SYT1: variants seen among roughly 807,000 people sequenced by gnomAD.
The protein encoded by SYT1 is synaptotagmin-1.
In SYT1, 8 loss-of-function variants were observed where a neutral mutation model predicts 44.8. That is an observed-to-expected ratio of 0.18 (90% CI 0.10 to 0.32). SYT1 has a LOEUF of 0.32. Ranked by LOEUF, SYT1 falls within the 10% of genes least tolerant of loss-of-function variation. The probability of loss-of-function intolerance (pLI) is 1.00; values close to 1 mark genes in which losing one functional copy is unlikely to be tolerated. For synonymous variants in SYT1, 154 were observed against 188.8 expected, an observed-to-expected ratio of 0.82 and a Z score of 1.51; for missense variants, 286 against 509.3, an observed-to-expected ratio of 0.56 and a Z score of 4.22.
At chr12:78,940,577 A>G (rs1034041625) in intron 1 of SYT1, among the ~76,000 whole-genome samples, 2 of 151,510 alleles carry the variant, frequency 1.3e-5, no homozygotes, top group African/African-American at 4.9e-5. Flanking sequence ...AATTTTTTGT[A>G]GAGATGGGGC....
At chr12:79,441,621 C>A (rs546207837) in intron 9 of SYT1, among the ~76,000 whole-genome samples, 20 of 152,178 alleles carry the variant, frequency 1.3e-4, no homozygotes, top group Admixed American at 9.2e-4. Context: ...AGCCCCCAAC[C>A]CTCTGTTCTC....
chr12:79,044,455 C>T (rs887745706), intron 2 of SYT1, among the ~76,000 whole-genome samples: 67 of 150,074 alleles, frequency 4.5e-4, no homozygotes, highest in African/African-American at 8.1e-4. Context: ...ACGTAGTTCT[C>T]GAGCCTTGGT....
chr12:79,214,798 T>A (rs563521545), intron 3 of SYT1, among the ~76,000 whole-genome samples: 1 of 152,348 alleles, frequency 6.6e-6, no homozygotes, highest in South Asian at 2.1e-4. Flanking sequence ...TCATTTCCTT[T>A]AAATTCTACA....
In SYT1 at chr12:79,127,447, T is replaced by TC. The variant is rs1434382602; in HGVS notation, c.-18+80085_-18+80086insC. Among the ~76,000 whole-genome samples the TC allele has an allele frequency of 1.9e-3, 284 of 152,298 alleles. 2 individuals are homozygous for TC. The highest frequency in any genetic ancestry group is 3.6e-3 in the Non-Finnish European group (245 of 67,988). ...TTAGTCATATTTAAGAGCAAGAGTT[T>TC]TGAAGCCAGTGTAGGTGGTAACAGC... On this transcript the variant is annotated intron_variant, in intron 3 of 10. Coordinates refer to ENST00000261205, the MANE Select transcript of SYT1 (RefSeq NM_005639.3).
At chr12:79,122,872 C>A (rs1056338305) in intron 3 of SYT1, among the ~76,000 whole-genome samples, 2 of 152,268 alleles carry the variant, frequency 1.3e-5, no homozygotes, top group East Asian at 3.9e-4. Flanking sequence ...ACTGTTCATC[C>A]AACTTGCTCT....
chr12:79,008,517 A>G (rs1052376584), intron 2 of SYT1, among the ~76,000 whole-genome samples: 1 of 152,132 alleles, frequency 6.6e-6, no homozygotes, highest in Non-Finnish European at 1.5e-5. Context: ...CTATAGGGAG[A>G]AAAGATAAGA....
chr12:79,036,395 T>A (rs1365118798), intron 2 of SYT1: 2 of 151,868 alleles, frequency 1.3e-5, no homozygotes, highest in Non-Finnish European at 2.9e-5. Flanking sequence ...TAAATATAGA[T>A]GCTAAGAATT....
intron 3 of SYT1, among the ~76,000 whole-genome samples, chr12:79,162,154 A>G (rs1265512432): frequency 6.6e-6 from 1 of 152,126 alleles, no homozygotes; most frequent in Non-Finnish European, 1.5e-5. Context: ...TTTGTGTACA[A>G]TAAGGAATGG....
intron 8 of SYT1, among the ~76,000 whole-genome samples, chr12:79,311,627 A>G (rs1880797786): frequency 7.2e-6 from 1 of 139,720 alleles, no homozygotes; most frequent in Non-Finnish European, 1.5e-5. Context: ...CCAAATGTCC[A>G]ACAATGATAG....
At chr12:79,163,570 T>A (rs141331281) in intron 3 of SYT1, among the ~76,000 whole-genome samples, 1 of 152,174 alleles carries the variant, frequency 6.6e-6, no homozygotes, top group Non-Finnish European at 1.5e-5. Flanking sequence ...AGAACTTGAG[T>A]AGCCTCACAA....
At chr12:79,327,564 A>G (rs1404663094) in intron 8 of SYT1, among the ~76,000 whole-genome samples, 2 of 152,222 alleles carry the variant, frequency 1.3e-5, no homozygotes, top group East Asian at 3.9e-4. Flanking sequence ...ATCTCAAATC[A>G]AAAGGCACCA....
At chr12:79,287,239 C>T (rs1036794618) in intron 5 of SYT1, among the ~76,000 whole-genome samples, 1 of 152,144 alleles carries the variant, frequency 6.6e-6, no homozygotes, top group African/African-American at 2.4e-5. Flanking sequence ...TACTCATACT[C>T]AGAGAGTTTT....
chr12:79,212,548 A>ATTTAAT (rs1428867028), intron 3 of SYT1, among the ~76,000 whole-genome samples: 1 of 152,014 alleles, frequency 6.6e-6, no homozygotes, highest in Non-Finnish European at 1.5e-5. Context: ...TTAGAAGATA[A>ATTTAAT]TTTAATTTTC....
intron 1 of SYT1, among the ~76,000 whole-genome samples, chr12:78,931,300 AAGGAAGGAGAGGGAGGGAGGGAGG>A (rs1877691278): frequency 1.4e-5 from 1 of 72,502 alleles, no homozygotes; most frequent in Non-Finnish European, 2.8e-5. Flanking sequence ...GGAAGGAAGG[AAGGAAGGAGAGGGAGGGAGGGAGG>A]GAGGGAGGGA....
chr12:79,336,574 G>C (rs970308268), intron 8 of SYT1, among the ~76,000 whole-genome samples: 2 of 152,010 alleles, frequency 1.3e-5, no homozygotes, highest in African/African-American at 4.8e-5. Flanking sequence ...TGGCAAGCTA[G>C]AGCCAAAAGT....
chr12:78,929,438 A>AAAAAAAAAAAAAAAAAAAAAAAAAAAT, intron 1 of SYT1, among the ~76,000 whole-genome samples: 1 of 145,386 alleles, frequency 6.9e-6, no homozygotes. Context: ...AAAAAAAAAA[A>AAAAAAAAAAAAAAAAAAAAAAAAAAAT]AAAAAAAAGG....
intron 3 of SYT1, among the ~76,000 whole-genome samples, chr12:79,052,866 G>A (rs1592704313): frequency 6.6e-6 from 1 of 152,230 alleles, no homozygotes; most frequent in African/African-American, 2.4e-5. Context: ...AACAGGTGCT[G>A]GAGAGGATGT....
chr12:79,003,977 T>A (rs1193467742), intron 2 of SYT1, among the ~76,000 whole-genome samples: 1 of 151,952 alleles, frequency 6.6e-6, no homozygotes, highest in African/African-American at 2.4e-5. Flanking sequence ...AGAAAACAGT[T>A]AACCTTCGTC....
chr12:79,168,274 A>G (rs7968654), intron 3 of SYT1, among the ~76,000 whole-genome samples: 15,131 of 152,098 alleles, frequency 0.099, 2,401 homozygotes, highest in African/African-American at 0.33. Flanking sequence ...CAGTTTCCTC[A>G]TCTGTGAGGG....
Sources: gnomAD v4.1 joint callset for allele counts (sites outside exome capture counted in the v4.1 genomes callset) on GRCh38, gnomAD v4.1.1 for gene constraint, MANE v1.5 for transcripts, NCBI Gene and HGNC (gene_info 2026-07-23, HGNC 2026-07-21) for gene names.